The following LPP variants were observed in gnomAD, a reference collection of about 807,000 sequenced individuals.
LPP encodes LIM domain containing preferred translocation partner in lipoma, also known as lipoma-preferred partner.
LPP carries 38 observed loss-of-function variants against 60.4 expected under a neutral mutation model. The ratio of observed to expected loss-of-function variants is 0.63; its 90% CI spans 0.49 to 0.83. LPP has a LOEUF of 0.83. LPP is among the 40% of genes least tolerant of loss of function. The probability of loss-of-function intolerance (pLI) is 0.00; values close to 1 mark genes in which losing one functional copy is unlikely to be tolerated. For synonymous variants in LPP, 328 were observed against 290.8 expected (o/e 1.13, Z -1.30); for missense variants, 902 against 783.6 (o/e 1.15, Z -1.80).
Position 188,334,664 on chromosome 3 carries a change from C to T in LPP, c.-66-6999C>T, listed in dbSNP as rs561551934. On this transcript the variant is annotated intron_variant, in intron 2 of 11. Transcript: ENST00000617246. Reference sequence around the variant, plus strand: ...CAGGATGGTCTCCTTCTCTTGACCTCGTGATCCGCCCACCTTGGCCTCCCA... The same window carrying T: ...CAGGATGGTCTCCTTCTCTTGACCTTGTGATCCGCCCACCTTGGCCTCCCA... Among the ~76,000 whole-genome samples, 6 of 152,152 alleles carry T rather than the reference C, an allele frequency of 3.9e-5. 1 individual carries two copies. The highest frequency in any genetic ancestry group is 2.1e-4 in the South Asian group (1 of 4,820).
chr3:188,216,743 G>A (rs774408517), intron 1 of LPP, among the ~76,000 whole-genome samples: 2 of 152,188 alleles, frequency 1.3e-5, no homozygotes, highest in South Asian at 2.1e-4. Context: ...CACAAGGCAG[G>A]TGCTATTATC....
At chr3:188,423,086 C>T (rs1406384628) in intron 4 of LPP, among the ~76,000 whole-genome samples, 1 of 152,060 alleles carries the variant, frequency 6.6e-6, no homozygotes, top group Non-Finnish European at 1.5e-5. Flanking sequence ...TCTCCTAATG[C>T]TATCCCTCCC....
chr3:188,640,286 C>T (rs1195512940), intron 7 of LPP, among the ~76,000 whole-genome samples: 2 of 149,846 alleles, frequency 1.3e-5, no homozygotes, highest in African/African-American at 4.9e-5. Context: ...CCAAACACCA[C>T]ATATTCTCAC....
Position 188,609,633 on chromosome 3 carries a change from A to G in LPP, c.902A>G (p.Tyr301Cys). The G allele has an allele frequency of 2.5e-6, 4 of 1,614,172 alleles. No homozygotes were observed. Among genetic ancestry groups the G allele is most frequent in the Non-Finnish European group, 2.5e-6 (3 of 1,180,026 alleles). The change falls in exon 7 of 12, where the codon TAT becomes TGT. Residue 301 changes from tyrosine to cysteine, a missense_variant. By Grantham distance (194) the Tyr-to-Cys change is radical. Coordinates refer to ENST00000617246, the MANE Select transcript of LPP (RefSeq NM_001375462.1). The surrounding 1 kb of genome is among the most constrained non-coding windows in gnomAD (Gnocchi z 6.9). ...CAGGGACGCTATTATGAAGGCTACT[A>G]TGCAGCAGGGCCAGGCTATGGGGGC... ...PNQGRYYEGY[Y>C]AAGPGYGGRN...
intron 1 of LPP, among the ~76,000 whole-genome samples, chr3:188,173,664 AC>A (rs1369674635): frequency 6.6e-6 from 1 of 152,118 alleles, no homozygotes; most frequent in East Asian, 1.9e-4. Flanking sequence ...GATGGGACCC[AC>A]CTTTTTTTCT....
intron 3 of LPP, among the ~76,000 whole-genome samples, chr3:188,351,073 C>T (rs1765697730): frequency 1.3e-5 from 2 of 152,114 alleles, no homozygotes; most frequent in South Asian, 2.1e-4. Flanking sequence ...TCCATGTTTC[C>T]ACCCCCATCT....
At chr3:188,240,607 C>G (rs1441131176) in intron 2 of LPP, among the ~76,000 whole-genome samples, 2 of 152,038 alleles carry the variant, frequency 1.3e-5, no homozygotes, top group Admixed American at 1.3e-4. Flanking sequence ...GATATTAGAC[C>G]AGCAACATAT....
chr3:188,203,545 A>G (rs1732084150), intron 1 of LPP, among the ~76,000 whole-genome samples: 1 of 101,786 alleles, frequency 9.8e-6, no homozygotes, highest in Non-Finnish European at 1.8e-5. Context: ...TTAAATATAT[A>G]TATATTTTTA....
chr3:188,628,288 C>T (rs1052427323), intron 7 of LPP, among the ~76,000 whole-genome samples: 2 of 151,518 alleles, frequency 1.3e-5, no homozygotes, highest in African/African-American at 4.8e-5. Context: ...GAAAACCATA[C>T]AAAAGATCAC....
intron 7 of LPP, among the ~76,000 whole-genome samples, chr3:188,613,583 T>A (rs13063193): frequency 0.2 from 30,457 of 152,134 alleles, 3,416 homozygotes; most frequent in South Asian, 0.4. Context: ...GTAGAGGTTA[T>A]GTTAAATTCT....
chr3:188,317,425 A>C (rs1276170728), intron 2 of LPP, among the ~76,000 whole-genome samples: 1 of 151,934 alleles, frequency 6.6e-6, no homozygotes, highest in Admixed American at 6.6e-5. Context: ...AGTGCCAAAA[A>C]TTTTCGTTAT....
At chr3:188,232,742 G>A (rs1283502591) in intron 2 of LPP, among the ~76,000 whole-genome samples, 5 of 152,052 alleles carry the variant, frequency 3.3e-5, no homozygotes, top group Non-Finnish European at 5.9e-5. Context: ...GTTGGACAAG[G>A]ACAACATGGT....
chr3:188,162,064 A>G (rs1278500540), intron 1 of LPP, among the ~76,000 whole-genome samples: 1 of 152,196 alleles, frequency 6.6e-6, no homozygotes, highest in Non-Finnish European at 1.5e-5. Flanking sequence ...TTTTAGATCC[A>G]TTACAAGGTA....
intron 7 of LPP, among the ~76,000 whole-genome samples, chr3:188,631,235 G>C (rs1847799702): frequency 6.6e-6 from 1 of 152,092 alleles, no homozygotes; most frequent in Admixed American, 6.5e-5. Context: ...CTTTCTTCTA[G>C]CCTGAGTGAT....
chr3:188,178,482 G>A (rs1723769777), intron 1 of LPP: 1 of 152,320 alleles, frequency 6.6e-6, no homozygotes, highest in Non-Finnish European at 1.5e-5. Context: ...CACAACTCAA[G>A]AGGATACGTT....
At chr3:188,539,427 C>T (rs367820350) in intron 6 of LPP, among the ~76,000 whole-genome samples, 8 of 152,076 alleles carry the variant, frequency 5.3e-5, no homozygotes, top group Non-Finnish European at 7.4e-5. Flanking sequence ...AAGAAGAATC[C>T]GACTCTCGTG....
chr3:188,248,497 T>TATATATATACAC (rs1288280759), intron 2 of LPP, among the ~76,000 whole-genome samples: 2 of 140,728 alleles, frequency 1.4e-5, no homozygotes, highest in South Asian at 4.6e-4. Context: ...TATATATATA[T>TATATATATACAC]ACAGTCAGCA....
chr3:188,753,848 T>A (rs2150362161), intron 8 of LPP, among the ~76,000 whole-genome samples: 1 of 151,838 alleles, frequency 6.6e-6, no homozygotes, highest in Non-Finnish European at 1.5e-5. Context: ...GAGCCACCTT[T>A]CCCCCACTAG....
intron 9 of LPP, among the ~76,000 whole-genome samples, chr3:188,803,932 A>G (rs1489906060): frequency 1.3e-5 from 2 of 152,094 alleles, no homozygotes; most frequent in East Asian, 3.9e-4. Flanking sequence ...CTTCCAGTTC[A>G]TGAATATACA....
Sources: allele counts gnomAD v4.1 joint callset (sites outside exome capture counted in the v4.1 genomes callset), GRCh38; gene constraint gnomAD v4.1.1; non-coding constraint Gnocchi (gnomAD v3.1); transcripts MANE v1.5; gene names NCBI Gene and HGNC (gene_info 2026-07-23, HGNC 2026-07-21).